Variants in SGCZ observed in about 807,000 individuals in gnomAD.
SGCZ encodes the protein sarcoglycan zeta, also known as zeta-sarcoglycan.
SGCZ carries 40 observed loss-of-function variants against 41.3 expected under a neutral mutation model. The ratio of observed to expected loss-of-function variants is 0.97; its 90% CI spans 0.75 to 1.26. The LOEUF (loss-of-function observed/expected upper bound fraction) is 1.26, where lower values mean the gene tolerates loss of function less well. SGCZ is among the 50% of genes most tolerant of loss of function. The pLI is 0.00. For missense variants in SGCZ, 552 were observed against 369.8 expected (o/e 1.49, Z -4.04); for synonymous variants, 206 against 137.5 (o/e 1.50, Z -3.49).
intron 4 of SGCZ, among the ~76,000 whole-genome samples, chr8:14,212,388 C>G (rs112063669): frequency 2.0e-5 from 3 of 149,092 alleles, no homozygotes; most frequent in Non-Finnish European, 4.4e-5. Context: ...CACGTAACAC[C>G]AGAAGGCATC....
intron 1 of SGCZ, among the ~76,000 whole-genome samples, chr8:14,951,099 G>C (rs73517377): frequency 0.11 from 17,141 of 151,894 alleles, 1,145 homozygotes; most frequent in African/African-American, 0.17. Context: ...ATTGTGTTTG[G>C]GAGGATGTTA....
chr8:14,265,366 C>T (rs985653897), intron 3 of SGCZ, among the ~76,000 whole-genome samples: 52 of 152,092 alleles, frequency 3.4e-4, no homozygotes, highest in African/African-American at 1.0e-3. Context: ...TTAGTAGTTC[C>T]ATTTCCATTT....
At chr8:14,985,971 T>C (rs780758828) in intron 1 of SGCZ, among the ~76,000 whole-genome samples, 2 of 152,174 alleles carry the variant, frequency 1.3e-5, no homozygotes, top group African/African-American at 2.4e-5. Flanking sequence ...TAACTAGAGA[T>C]GGGGTTATTG....
chr8:15,034,144 T>C (rs1041669269), intron 1 of SGCZ, among the ~76,000 whole-genome samples: 4 of 152,056 alleles, frequency 2.6e-5, no homozygotes, highest in Non-Finnish European at 5.9e-5. Flanking sequence ...CCAAACAGTC[T>C]GACAAAGAAT....
chr8:14,406,152 G>T, intron 2 of SGCZ, among the ~76,000 whole-genome samples: 1 of 152,000 alleles, frequency 6.6e-6, no homozygotes, highest in South Asian at 2.1e-4. Context: ...TCAAGCTTAT[G>T]CTTTCTGCAG....
At chr8:14,517,113 A>G (rs890505179) in intron 2 of SGCZ, among the ~76,000 whole-genome samples, 1 of 152,068 alleles carries the variant, frequency 6.6e-6, no homozygotes, top group African/African-American at 2.4e-5. Context: ...AAAACAATGT[A>G]TGATAACACA....
At chr8:14,184,487 TTGAAA>T (rs1277311458) in intron 4 of SGCZ, among the ~76,000 whole-genome samples, 5 of 152,162 alleles carry the variant, frequency 3.3e-5, no homozygotes, top group Admixed American at 2.0e-4. Context: ...GATAAATGTA[TTGAAA>T]TGAATAAGAT....
intron 1 of SGCZ, among the ~76,000 whole-genome samples, chr8:15,007,174 T>C (rs17120731): frequency 0.5 from 76,319 of 151,978 alleles, 19,441 homozygotes; most frequent in South Asian, 0.55. Context: ...AGCTCCATTA[T>C]ATAGTTAATC....
intron 2 of SGCZ, among the ~76,000 whole-genome samples, chr8:14,410,809 A>G (rs1257207231): frequency 6.6e-6 from 1 of 152,166 alleles, no homozygotes; most frequent in Non-Finnish European, 1.5e-5. Flanking sequence ...CAAAAATAGG[A>G]GTTCTAAGAG....
At chr8:14,100,808 A>G (rs551202145) in intron 7 of SGCZ, among the ~76,000 whole-genome samples, 1 of 151,910 alleles carries the variant, frequency 6.6e-6, no homozygotes, top group East Asian at 1.9e-4. Flanking sequence ...TTAAATTATG[A>G]CCTCATCATT....
intron 1 of SGCZ, among the ~76,000 whole-genome samples, chr8:14,728,836 C>T (rs1324885287): frequency 6.6e-6 from 1 of 152,174 alleles, no homozygotes; most frequent in Non-Finnish European, 1.5e-5. Context: ...GTAGCAAATA[C>T]ATCCCAAGTT....
At chr8:14,268,207 G>C (rs562031505) in intron 3 of SGCZ, among the ~76,000 whole-genome samples, 1 of 148,852 alleles carries the variant, frequency 6.7e-6, no homozygotes, top group Admixed American at 6.7e-5. Flanking sequence ...ACTATATATA[G>C]AAATTATATA....
intron 1 of SGCZ, among the ~76,000 whole-genome samples, chr8:14,979,650 C>G (rs1801596759): frequency 1.3e-5 from 2 of 152,166 alleles, no homozygotes. Flanking sequence ...ATCAAAGGCA[C>G]TGTTATTAAT....
intron 1 of SGCZ, among the ~76,000 whole-genome samples, chr8:15,030,651 T>C (rs1204313123): frequency 6.6e-6 from 1 of 152,148 alleles, no homozygotes; most frequent in East Asian, 1.9e-4. Flanking sequence ...AAGGGATGAT[T>C]CCAGGCTCCT....
intron 2 of SGCZ, among the ~76,000 whole-genome samples, chr8:14,523,489 C>G (rs376237481): frequency 6.6e-6 from 1 of 151,994 alleles, no homozygotes; most frequent in African/African-American, 2.4e-5. Context: ...AAATACTATA[C>G]CACTTTCTCC....
At chr8:14,433,757 T>A (rs539755655) in intron 2 of SGCZ, among the ~76,000 whole-genome samples, 1 of 152,280 alleles carries the variant, frequency 6.6e-6, no homozygotes, top group South Asian at 2.1e-4. Context: ...ATAAACATTG[T>A]TCTTGGAATT....
At chr8:15,211,791 T>A (rs1194301203) in intron 1 of SGCZ, among the ~76,000 whole-genome samples, 1 of 152,144 alleles carries the variant, frequency 6.6e-6, no homozygotes, top group Non-Finnish European at 1.5e-5. Flanking sequence ...CAAATTATCA[T>A]AAAACAGACT....
At chr8:14,109,711 A>T (rs1390181263) in intron 5 of SGCZ, among the ~76,000 whole-genome samples, 3 of 152,212 alleles carry the variant, frequency 2.0e-5, no homozygotes, top group Non-Finnish European at 4.4e-5. Flanking sequence ...ATATATGGAA[A>T]TGTATTAGAA....
intron 1 of SGCZ, among the ~76,000 whole-genome samples, chr8:14,820,644 T>C (rs561412580): frequency 2.0e-5 from 3 of 152,186 alleles, no homozygotes; most frequent in East Asian, 1.9e-4. Flanking sequence ...GTAAGTATCT[T>C]TTCTAGCCAC....
Sources: allele counts gnomAD v4.1 joint callset (sites outside exome capture counted in the v4.1 genomes callset), GRCh38; gene constraint gnomAD v4.1.1; transcripts MANE v1.5; gene names NCBI Gene and HGNC (gene_info 2026-07-23, HGNC 2026-07-21).